AGPAT3: variants seen among roughly 807,000 people sequenced by gnomAD.
AGPAT3 encodes 1-acyl-sn-glycerol-3-phosphate acyltransferase gamma.
In AGPAT3, 5 loss-of-function variants were observed where a neutral mutation model predicts 47.3. That is an observed-to-expected ratio of 0.11 (90% CI 0.06 to 0.22). AGPAT3 has a LOEUF of 0.22. Ranked by LOEUF, AGPAT3 falls within the 10% of genes least tolerant of loss-of-function variation. The pLI is 1.00. For missense variants in AGPAT3, 315 were observed against 493.0 expected (o/e 0.64, Z 3.42); for synonymous variants, 212 against 208.3 (o/e 1.02, Z -0.15).
intron 1 of AGPAT3, among the ~76,000 whole-genome samples, chr21:43,901,217 C>T (rs995102059): frequency 1.2e-4 from 18 of 151,358 alleles, no homozygotes; most frequent in Non-Finnish European, 2.2e-4. Context: ...GCCAGCTACT[C>T]AACGGCAGAG....
In AGPAT3 at chr21:43,981,153, C is replaced by T. The variant is rs115027111; in HGVS notation, c.1008C>T (p.Leu336=). 8.3e-5 allele frequency: 134 copies of T among 1,614,202 alleles called. 2 individuals are homozygous for T. The East Asian group carries it at 2.7e-3, about 33-fold the overall frequency. The change falls in exon 9 of 10, where the codon CTC becomes CTT. Residue 336 remains leucine (L), a synonymous_variant. Coordinates refer to ENST00000291572, the MANE Select transcript of AGPAT3 (RefSeq NM_020132.5). The surrounding 1 kb of genome is among the most constrained non-coding windows in gnomAD (Gnocchi z 5.3). The stretch of plus-strand genomic sequence containing the variant: ...GCGTCTTTGCCAGCGGATCACCTCT[C>T]CTGATCCTGACTTTCTTGGGGTTTG... ...VLGVFASGSP[L]LILTFLGFVG... is the part of the protein sequence containing the mutation.
chr21:43,940,304 C>T (rs978557528), intron 2 of AGPAT3, among the ~76,000 whole-genome samples: 5 of 152,232 alleles, frequency 3.3e-5, no homozygotes, highest in South Asian at 2.1e-4. Flanking sequence ...GCCCTGCTGG[C>T]GGTGGCTTTG....
chr21:43,908,806 G>A lies in AGPAT3; in HGVS notation c.-49+4787G>A, dbSNP rs928234328. Among the ~76,000 whole-genome samples the A allele has an allele frequency of 8.5e-5, 13 of 152,296 alleles. No individual in the cohort carries two copies. Among genetic ancestry groups the A allele is most frequent in the African/African-American group, 2.4e-4 (10 of 41,564 alleles). On this transcript the variant is annotated intron_variant, in intron 2 of 9. Transcript: ENST00000291572. The surrounding 1 kb of genome is among the most constrained non-coding windows in gnomAD (Gnocchi z 4.9). ...CAGCTCCAGGCTGCAAAAGTCCCTC[G>A]TCATTTCATTTCCTTCCATCCCTGT...
At chr21:43,975,964 G>A (rs1198085649) in intron 7 of AGPAT3, among the ~76,000 whole-genome samples, 1 of 150,298 alleles carries the variant, frequency 6.7e-6, no homozygotes, top group Non-Finnish European at 1.5e-5. Flanking sequence ...GTGGGAGGCA[G>A]GGATGTGTGT....
intron 1 of AGPAT3, among the ~76,000 whole-genome samples, chr21:43,895,569 A>AT (rs1356557121): frequency 9.0e-6 from 1 of 110,572 alleles, no homozygotes; most frequent in Admixed American, 9.1e-5. Flanking sequence ...CCTCTTTTGA[A>AT]TTTTTTGACA....
At position 43,934,893 on chromosome 21, in the gene AGPAT3, T is replaced by TGCCACCCAC. The variant is rs1188406117; in HGVS notation, c.-48-24733_-48-24732insCGCCACCCA. Among the ~76,000 whole-genome samples the TGCCACCCAC allele has an allele frequency of 7.3e-6, 1 of 137,660 alleles. No homozygotes were observed. The highest frequency in any genetic ancestry group is 1.6e-5 in the Non-Finnish European group (1 of 64,314). The allele number at this position is 137,660 out of a possible 152,430, so 90.3% of individuals were successfully genotyped here. On this transcript the variant is annotated intron_variant, in intron 2 of 9. Coordinates refer to ENST00000291572, the MANE Select transcript of AGPAT3 (RefSeq NM_020132.5). The surrounding 1 kb of genome is among the most constrained non-coding windows in gnomAD (Gnocchi z 4.7). Reference sequence around the variant, plus strand: ...TGACACGCCACCCACGCCACTCACATGCCACCCATGCCACCCACACCACCT... The same window carrying TGCCACCCAC: ...TGACACGCCACCCACGCCACTCACATGCCACCCACGCCACCCATGCCACCCACACCACCT...
intron 7 of AGPAT3, among the ~76,000 whole-genome samples, chr21:43,976,950 T>C (rs1191703885): frequency 6.6e-6 from 1 of 152,234 alleles, no homozygotes; most frequent in Non-Finnish European, 1.5e-5. Flanking sequence ...TCTTATTAAA[T>C]TGTAAAAGTA....
At position 43,943,674 on chromosome 21, in the gene AGPAT3, G is replaced by A. The variant is rs947898694; in HGVS notation, c.-48-15960G>A. Among the ~76,000 whole-genome samples, 83 of 152,134 alleles carry A rather than the reference G, an allele frequency of 5.5e-4. 1 individual carries two copies. Among genetic ancestry groups the A allele is most frequent in the Non-Finnish European group, 6.3e-4 (43 of 68,014 alleles). On this transcript the variant is annotated intron_variant, in intron 2 of 9. Coordinates refer to ENST00000291572, the MANE Select transcript of AGPAT3 (RefSeq NM_020132.5). Reference sequence around the variant, plus strand: ...GCGCCTGGCCTGCCAGGCCTCAGCCGCCACGGCCTGTGTCACGGAGGAAGG... The same window carrying A: ...GCGCCTGGCCTGCCAGGCCTCAGCCACCACGGCCTGTGTCACGGAGGAAGG...
chr21:43,895,528 T>G (rs1176853946), intron 1 of AGPAT3, among the ~76,000 whole-genome samples: 1 of 151,898 alleles, frequency 6.6e-6, no homozygotes, highest in African/African-American at 2.4e-5. Context: ...TTTTTTTTTT[T>G]TTACTATTTC....
At chr21:43,866,543 GCACTCTCTTGATTTGGC>G (rs2085510615) in intron 1 of AGPAT3, 1 of 152,216 alleles carries the variant, frequency 6.6e-6, no homozygotes, top group Non-Finnish European at 1.5e-5. Flanking sequence ...AGGATGCTGA[GCACTCTCTTGATTTGGC>G]CACTTCTTTG....
chr21:43,910,351 C>T (rs1026893270), intron 2 of AGPAT3, among the ~76,000 whole-genome samples: 3 of 152,154 alleles, frequency 2.0e-5, no homozygotes, highest in African/African-American at 4.8e-5. Context: ...CGGCTGTGGC[C>T]GCGCGTATTG....
At chr21:43,912,951 G>A (rs564737476) in intron 2 of AGPAT3, among the ~76,000 whole-genome samples, 11 of 152,350 alleles carry the variant, frequency 7.2e-5, no homozygotes, top group African/African-American at 2.2e-4. Context: ...CTGTGAATGA[G>A]CACCTCACTG....
At chr21:43,892,620 G>A (rs1312602005) in intron 1 of AGPAT3, among the ~76,000 whole-genome samples, 1 of 152,188 alleles carries the variant, frequency 6.6e-6, no homozygotes, top group African/African-American at 2.4e-5. Flanking sequence ...AAGGGCTCTA[G>A]GATTTTCGGA....
chr21:43,923,007 G>A (rs2086940484), intron 2 of AGPAT3, among the ~76,000 whole-genome samples: 1 of 152,206 alleles, frequency 6.6e-6, no homozygotes, highest in South Asian at 2.1e-4. Context: ...GGGGTTTTTA[G>A]ACTTTGTGAA....
Position 43,922,275 on chromosome 21 carries a change from T to C in AGPAT3, c.-49+18256T>C, listed in dbSNP as rs915495372. Among the ~76,000 whole-genome samples, 1 of 151,962 alleles carries C rather than the reference T, an allele frequency of 6.6e-6. No individual in the cohort carries two copies. The highest frequency in any genetic ancestry group is 1.5e-5 in the Non-Finnish European group (1 of 67,984). On this transcript the variant is annotated intron_variant, in intron 2 of 9. Coordinates refer to ENST00000291572, the MANE Select transcript of AGPAT3 (RefSeq NM_020132.5). The surrounding 1 kb of genome is among the most constrained non-coding windows in gnomAD (Gnocchi z 4.9). ...ATGTGACGGAGGAGGCTCCTGTTCT[T>C]GTGGGGGTGGCGAGGCGAGGATGGT...
chr21:43,980,926 T>A, intron 8 of AGPAT3, 63 bp from the exon 9 acceptor site: 95 of 1,298,384 alleles, frequency 7.3e-5, no homozygotes, highest in Middle Eastern at 1.9e-4. Flanking sequence ...AATCTTCTCC[T>A]GCATTGAAAT....
In AGPAT3 at chr21:43,932,210, C is replaced by A. The variant is rs956884748; in HGVS notation, c.-48-27424C>A. On this transcript the variant is annotated intron_variant, in intron 2 of 9. Coordinates refer to ENST00000291572, the MANE Select transcript of AGPAT3 (RefSeq NM_020132.5). The surrounding 1 kb of genome is among the most constrained non-coding windows in gnomAD (Gnocchi z 5.2). ...GCAGCGCGGCCGATCACGAACACGT[C>A]CCTCCAGTCTAACTGAAACTGCTCC... Among the ~76,000 whole-genome samples, 1 of 152,164 alleles carries A rather than the reference C, an allele frequency of 6.6e-6. No individual in the cohort carries two copies. The highest frequency in any genetic ancestry group is 2.4e-5 in the African/African-American group (1 of 41,426).
At chr21:43,898,277 C>G (rs2086274877) in intron 1 of AGPAT3, among the ~76,000 whole-genome samples, 1 of 152,158 alleles carries the variant, frequency 6.6e-6, no homozygotes, top group African/African-American at 2.4e-5. Flanking sequence ...ATTTCTTGGT[C>G]TGTGCTGATG....
chr21:43,943,273 A>G (rs540953977), intron 2 of AGPAT3, among the ~76,000 whole-genome samples: 12 of 152,140 alleles, frequency 7.9e-5, no homozygotes, highest in African/African-American at 2.4e-4. Flanking sequence ...ACGGGGTTTC[A>G]CCGTGTTAGC....
Sources: gnomAD v4.1 joint callset for allele counts (sites outside exome capture counted in the v4.1 genomes callset) on GRCh38, gnomAD v4.1.1 for gene constraint, Gnocchi (gnomAD v3.1) non-coding constraint, MANE v1.5 for transcripts, NCBI Gene and HGNC (gene_info 2026-07-23, HGNC 2026-07-21) for gene names.